EXOC6: variants seen among roughly 807,000 people sequenced by gnomAD.
EXOC6 encodes the protein SEC15-like 1.
A neutral mutation model predicts 112.5 loss-of-function variants in EXOC6; 60 were observed. The observed-to-expected ratio is 0.53, with a 90% CI of 0.43 to 0.66. The LOEUF (loss-of-function observed/expected upper bound fraction) is 0.66, where lower values mean the gene tolerates loss of function less well. EXOC6 is among the 30% of genes least tolerant of loss of function. EXOC6 has a pLI of 0.00. For synonymous variants in EXOC6, 295 were observed against 308.0 expected, an observed-to-expected ratio of 0.96 and a Z score of 0.44; for missense variants, 855 against 957.1, an observed-to-expected ratio of 0.89 and a Z score of 1.41.
Position 92,974,092 on chromosome 10 carries a change from C to T in EXOC6, c.1813C>T (p.Leu605=). ...HAAEGEIYTK[L]NQKIDEFVQL... ...AGCAGAAGGAGAAATATATACCAAA[C>T]TGAATCAAAAAATTGATGAATTTGT... Residue 605 remains leucine, a synonymous_variant, in exon 18 of 22, where the codon CTG becomes TTG. Transcript: ENST00000260762. 1.2e-6 allele frequency: 2 copies of T among 1,601,372 alleles called. No homozygotes were observed. Among genetic ancestry groups the T allele is most frequent in the Non-Finnish European group, 1.7e-6 (2 of 1,177,314 alleles).
chr10:93,053,702 G>A (rs1846410030), intron 20 of EXOC6, among the ~76,000 whole-genome samples: 1 of 152,196 alleles, frequency 6.6e-6, no homozygotes, highest in Admixed American at 6.5e-5. Context: ...AAGGAAACTT[G>A]GAATAATGGT....
intron 1 of EXOC6, among the ~76,000 whole-genome samples, chr10:92,892,949 A>G (rs1044702590): frequency 9.9e-5 from 15 of 152,206 alleles, no homozygotes; most frequent in Non-Finnish European, 7.3e-5. Context: ...GGGATTAAAG[A>G]GTTAATATAT....
At chr10:92,901,512 TG>T (rs1231733333) in intron 5 of EXOC6, 5 of 151,830 alleles carry the variant, frequency 3.3e-5, no homozygotes, top group African/African-American at 1.2e-4. Flanking sequence ...ATGCACAAAT[TG>T]TTTCAAATTT....
chr10:92,989,194 G>C (rs898381732), intron 18 of EXOC6, among the ~76,000 whole-genome samples: 1 of 152,142 alleles, frequency 6.6e-6, no homozygotes, highest in African/African-American at 2.4e-5. Flanking sequence ...GTAGTTGCTT[G>C]ATAAGTGTTT....
chr10:92,835,505 A>G (rs1441638757), intron 1 of EXOC6, among the ~76,000 whole-genome samples: 2 of 152,190 alleles, frequency 1.3e-5, no homozygotes, highest in African/African-American at 4.8e-5. Context: ...TGGGAACAAG[A>G]TATTCATCAC....
At chr10:92,971,258 A>G (rs1027522175) in intron 17 of EXOC6, among the ~76,000 whole-genome samples, 1 of 151,842 alleles carries the variant, frequency 6.6e-6, no homozygotes. Flanking sequence ...GTTAGCCAGG[A>G]TGGTCTTGAT....
intron 20 of EXOC6, among the ~76,000 whole-genome samples, chr10:93,024,881 A>G (rs1844955505): frequency 6.6e-6 from 1 of 152,192 alleles, no homozygotes; most frequent in Non-Finnish European, 1.5e-5. Context: ...TTTCTTTGAC[A>G]GTTTGGGATC....
At chr10:92,905,284 C>T (rs1331023024) in intron 5 of EXOC6, among the ~76,000 whole-genome samples, 1 of 152,014 alleles carries the variant, frequency 6.6e-6, no homozygotes, top group East Asian at 1.9e-4. Context: ...ATATGAACTT[C>T]AGAATCACAT....
intron 19 of EXOC6, among the ~76,000 whole-genome samples, chr10:93,008,850 T>C (rs1700230722): frequency 6.6e-6 from 1 of 152,236 alleles, no homozygotes; most frequent in Admixed American, 6.5e-5. Context: ...CACCCTAAAT[T>C]ACTTTTATAT....
chr10:92,899,477 C>T (rs1850035628), intron 4 of EXOC6, 122 bp from the exon 5 acceptor site: 1 of 615,118 alleles, frequency 1.6e-6, no homozygotes, highest in African/African-American at 1.9e-5. Flanking sequence ...AAATATTAGC[C>T]TAACTCAAGT....
chr10:92,877,592 G>A (rs1192728032), intron 1 of EXOC6, among the ~76,000 whole-genome samples: 3 of 152,096 alleles, frequency 2.0e-5, no homozygotes, highest in Non-Finnish European at 2.9e-5. Flanking sequence ...GCTTTTGAGT[G>A]GGAATTGCCT....
chr10:92,963,050 G>T (rs1854104355), intron 17 of EXOC6, among the ~76,000 whole-genome samples: 1 of 152,144 alleles, frequency 6.6e-6, no homozygotes, highest in African/African-American at 2.4e-5. Flanking sequence ...GGATAAGGAA[G>T]AATTGGTATA....
At chr10:93,035,031 G>A (rs11187249) in intron 20 of EXOC6, among the ~76,000 whole-genome samples, 2,080 of 152,282 alleles carry the variant, frequency 0.014, 50 homozygotes, top group African/African-American at 0.048. Flanking sequence ...CATTTGAAGT[G>A]CCAAAGAATT....
chr10:92,919,850 T>C, intron 7 of EXOC6, 132 bp from the exon 8 acceptor site: 1 of 547,568 alleles, frequency 1.8e-6, no homozygotes, highest in Non-Finnish European at 3.1e-6. Flanking sequence ...AGTGTATGCT[T>C]TCTATGGGGG....
At position 92,997,516 on chromosome 10, in the gene EXOC6, C is replaced by T; in HGVS notation, c.1996C>T (p.Leu666=). Residue 666 remains leucine, a synonymous_variant, in exon 19 of 22, where the codon CTG becomes TTG. Coordinates refer to ENST00000260762, the MANE Select transcript of EXOC6 (RefSeq NM_019053.6). ...AGCTTGCATGTCAGCCTGCCAGCAT[C>T]TGTCAACATCCTTAATGCAGATGCT... ...QTACMSACQH[L]STSLMQMLLD... The T allele has an allele frequency of 6.2e-7, 1 of 1,612,318 alleles. No individual in the cohort carries two copies. The highest frequency in any genetic ancestry group is 8.5e-7 in the Non-Finnish European group (1 of 1,178,944).
chr10:92,886,223 C>G (rs573682008), intron 1 of EXOC6, among the ~76,000 whole-genome samples: 1 of 152,232 alleles, frequency 6.6e-6, no homozygotes, highest in African/African-American at 2.4e-5. Flanking sequence ...ATCAGAATTT[C>G]AAAGAATAAT....
chr10:92,891,157 G>C (rs55929600), intron 1 of EXOC6, among the ~76,000 whole-genome samples: 11 of 152,124 alleles, frequency 7.2e-5, no homozygotes, highest in African/African-American at 2.7e-4. Flanking sequence ...AGATGAGGAA[G>C]ACTATGGGAA....
chr10:93,016,558 C>T (rs1844526241), intron 20 of EXOC6, among the ~76,000 whole-genome samples: 1 of 152,084 alleles, frequency 6.6e-6, no homozygotes, highest in South Asian at 2.1e-4. Context: ...CCGGAAAGGG[C>T]CCCTGGAAGC....
chr10:92,874,039 C>A lies in EXOC6; in HGVS notation c.102-19310C>A, dbSNP rs1301942973. The stretch of plus-strand genomic sequence containing the variant: ...TTGCACTTCAGCCTAGGCGACAGAG[C>A]AAGACCATGTCACAGAAAAAAAAAA... On this transcript the variant is annotated intron_variant, in intron 1 of 21. Transcript: ENST00000260762. Among the ~76,000 whole-genome samples, 9 of 142,574 alleles carry A rather than the reference C, an allele frequency of 6.3e-5. No homozygotes were observed. The East Asian group carries it at 1.6e-3, about 26-fold the overall frequency. The allele number at this position is 142,574 out of a possible 152,430, so 93.5% of individuals were successfully genotyped here.
Sources: allele counts gnomAD v4.1 joint callset (sites outside exome capture counted in the v4.1 genomes callset), GRCh38; gene constraint gnomAD v4.1.1; transcripts MANE v1.5; gene names NCBI Gene and HGNC (gene_info 2026-07-23, HGNC 2026-07-21).